MYO1E: variants seen among roughly 807,000 people sequenced by gnomAD.
MYO1E encodes the protein unconventional myosin-Ie.
Under a neutral mutation model 151.1 loss-of-function variants are expected in MYO1E, and 68 were observed. The observed-to-expected ratio is 0.45, with a 90% CI of 0.37 to 0.55. The LOEUF (loss-of-function observed/expected upper bound fraction) is 0.55. Among genes scored for constraint, MYO1E ranks in the 20% least tolerant of loss-of-function variants. MYO1E has a pLI of 0.00. For synonymous variants in MYO1E, 601 were observed against 501.7 expected (o/e 1.20, Z -2.64); for missense variants, 1,363 against 1,389.3 (o/e 0.98, Z 0.30).
chr15:59,244,468 A>C (rs1449650405), intron 4 of MYO1E, among the ~76,000 whole-genome samples: 1 of 152,236 alleles, frequency 6.6e-6, no homozygotes, highest in African/African-American at 2.4e-5. Context: ...CCCAATTTAT[A>C]GATGAAGTAA....
At chr15:59,302,810 T>C (rs1281953605) in intron 1 of MYO1E, among the ~76,000 whole-genome samples, 10 of 152,280 alleles carry the variant, frequency 6.6e-5, no homozygotes, top group African/African-American at 1.9e-4. Context: ...TTAAAAATTA[T>C]TGAAAGTAAA....
At position 59,137,334 on chromosome 15, in the gene MYO1E, CTG is replaced by C. The variant is rs2079379116; in HGVS notation, c.*44_*45del. On this transcript the variant is annotated 3_prime_UTR_variant, in exon 28 of 28. Coordinates refer to ENST00000288235, the MANE Select transcript of MYO1E (RefSeq NM_004998.4). ...GCCCCTAAATATCCCCTCCCCTGGTCTGTGCCTGGAGCTCCTCTGCCCCATGT... is the reference window on the plus strand; with the variant it reads ...GCCCCTAAATATCCCCTCCCCTGGTCTGCCTGGAGCTCCTCTGCCCCATGT... The C allele has an allele frequency of 1.3e-6, 2 of 1,542,396 alleles. No homozygotes were observed.
chr15:59,274,894 C>T (rs1483592805), intron 1 of MYO1E, among the ~76,000 whole-genome samples: 2 of 152,130 alleles, frequency 1.3e-5, no homozygotes, highest in Admixed American at 6.5e-5. Context: ...AGATTCCTAG[C>T]CCCAGTCTCT....
At chr15:59,310,614 G>A (rs542001836) in intron 1 of MYO1E, among the ~76,000 whole-genome samples, 32 of 152,236 alleles carry the variant, frequency 2.1e-4, no homozygotes, top group Non-Finnish European at 3.5e-4. Flanking sequence ...TGGTCCTGAT[G>A]CCCATGCTGA....
intron 4 of MYO1E, among the ~76,000 whole-genome samples, chr15:59,244,556 C>T (rs1012731105): frequency 1.3e-5 from 2 of 152,186 alleles, no homozygotes; most frequent in African/African-American, 4.8e-5. Flanking sequence ...GGTCTTTCCA[C>T]TGCACCTCAT....
intron 1 of MYO1E, among the ~76,000 whole-genome samples, chr15:59,278,448 C>CT (rs531864242): frequency 9.5e-4 from 145 of 152,238 alleles, no homozygotes; most frequent in African/African-American, 3.4e-3. Context: ...GGAATTCCAC[C>CT]TTTTACATTT....
chr15:59,177,660 G>A (rs568990604), intron 19 of MYO1E, among the ~76,000 whole-genome samples: 7 of 152,336 alleles, frequency 4.6e-5, no homozygotes, highest in African/African-American at 1.4e-4. Context: ...CAGAAGAACT[G>A]AACAGAACTT....
At chr15:59,139,415 C>T (rs1039356547) in intron 26 of MYO1E, among the ~76,000 whole-genome samples, 1 of 150,192 alleles carries the variant, frequency 6.7e-6, no homozygotes, top group Non-Finnish European at 1.5e-5. Flanking sequence ...CATTATTACT[C>T]CTCACACTTC....
At chr15:59,316,983 T>C (rs2080593040) in intron 1 of MYO1E, among the ~76,000 whole-genome samples, 1 of 152,182 alleles carries the variant, frequency 6.6e-6, no homozygotes, top group Admixed American at 6.5e-5. Flanking sequence ...GTAACCTCAG[T>C]AGCCCAGGAA....
intron 4 of MYO1E, among the ~76,000 whole-genome samples, chr15:59,247,090 C>T (rs1226102960): frequency 2.6e-5 from 4 of 152,086 alleles, no homozygotes; most frequent in Non-Finnish European, 2.9e-5. Flanking sequence ...CAGCTACTCG[C>T]GAGGCTGAGG....
chr15:59,197,559 T>C (rs1332891778), intron 16 of MYO1E, among the ~76,000 whole-genome samples: 5 of 152,204 alleles, frequency 3.3e-5, no homozygotes, highest in Non-Finnish European at 1.5e-5. Flanking sequence ...ATTCCTGTTT[T>C]TTAGATGAGA....
At chr15:59,314,172 C>A (rs1188668283) in intron 1 of MYO1E, among the ~76,000 whole-genome samples, 1 of 152,212 alleles carries the variant, frequency 6.6e-6, no homozygotes, top group Non-Finnish European at 1.5e-5. Flanking sequence ...AGAATCCTTT[C>A]TCTACCTCGC....
chr15:59,370,689 G>A (rs982584196), intron 1 of MYO1E, among the ~76,000 whole-genome samples: 1 of 152,148 alleles, frequency 6.6e-6, no homozygotes, highest in Non-Finnish European at 1.5e-5. Flanking sequence ...AATTAAGCAT[G>A]GTATCACAGG....
Position 59,217,882 on chromosome 15 carries a change from G to A in MYO1E, c.1107+9C>T, listed in dbSNP as rs762145722. 6.8e-6 allele frequency: 11 copies of A among 1,613,740 alleles called. No homozygotes were observed. The highest frequency in any genetic ancestry group is 9.3e-6 in the Non-Finnish European group (11 of 1,179,806). ...TGAAGCATCACCAGCATCAACTTCT[G>A]TTACTTACATCTACCAAGAAATCAA... On this transcript the variant is annotated intron_variant, in intron 10 of 27. Transcript: ENST00000288235.
intron 21 of MYO1E, among the ~76,000 whole-genome samples, chr15:59,172,913 C>T (rs952523722): frequency 3.6e-4 from 55 of 152,352 alleles, no homozygotes; most frequent in African/African-American, 1.3e-3. Context: ...GCACAGGTTG[C>T]AAGGAATGGT....
At chr15:59,146,864 C>T (rs1286731854) in intron 26 of MYO1E, among the ~76,000 whole-genome samples, 1 of 152,076 alleles carries the variant, frequency 6.6e-6, no homozygotes, top group Non-Finnish European at 1.5e-5. Flanking sequence ...AATTTGTACA[C>T]ATCACTTTAT....
chr15:59,266,727 T>C (rs2080256407), intron 2 of MYO1E: 1 of 149,770 alleles, frequency 6.7e-6, no homozygotes, highest in Admixed American at 6.7e-5. Flanking sequence ...AGTGGTGTGA[T>C]ATTGGCTCAT....
At chr15:59,287,186 A>G (rs1025487341) in intron 1 of MYO1E, among the ~76,000 whole-genome samples, 7 of 152,172 alleles carry the variant, frequency 4.6e-5, no homozygotes, top group Non-Finnish European at 8.8e-5. Flanking sequence ...TGATAATTCA[A>G]CTAAAAGCCC....
chr15:59,363,307 TCTCA>T (rs748173677), intron 1 of MYO1E, among the ~76,000 whole-genome samples: 4 of 152,298 alleles, frequency 2.6e-5, no homozygotes, highest in African/African-American at 4.8e-5. Context: ...TTATGCTTGC[TCTCA>T]CTATGACATC....
Sources: allele counts gnomAD v4.1 joint callset (sites outside exome capture counted in the v4.1 genomes callset), GRCh38; gene constraint gnomAD v4.1.1; transcripts MANE v1.5; gene names NCBI Gene and HGNC (gene_info 2026-07-23, HGNC 2026-07-21).